The following RNFT2 variants were observed in gnomAD, a reference collection of about 807,000 sequenced individuals.
RNFT2 encodes the protein E3 ubiquitin-protein ligase RNFT2.
In RNFT2, 36 loss-of-function variants were observed where a neutral mutation model predicts 53.0. The ratio of observed to expected loss-of-function variants is 0.68; its 90% CI spans 0.52 to 0.90. The LOEUF is 0.90. RNFT2 is among the 40% of genes least tolerant of loss of function. RNFT2 has a pLI of 0.00. For synonymous variants in RNFT2, 260 were observed against 253.2 expected (o/e 1.03, Z -0.26); for missense variants, 514 against 585.6 (o/e 0.88, Z 1.26).
At chr12:116,743,100 AAAAAAAG>A (rs1278371595) in intron 3 of RNFT2, among the ~76,000 whole-genome samples, 8 of 149,282 alleles carry the variant, frequency 5.4e-5, no homozygotes, top group East Asian at 2.0e-4. Context: ...AAAAAAAAAA[AAAAAAAG>A]GTTAAATGAA....
At chr12:116,758,575 C>T (rs1386629717) in intron 5 of RNFT2, among the ~76,000 whole-genome samples, 3 of 152,106 alleles carry the variant, frequency 2.0e-5, no homozygotes, top group Admixed American at 6.6e-5. Context: ...ATTCTCTTAG[C>T]ATTTGTTTGT....
chr12:116,757,480 G>A (rs1424200459), intron 5 of RNFT2, among the ~76,000 whole-genome samples: 1 of 151,964 alleles, frequency 6.6e-6, no homozygotes, highest in Non-Finnish European at 1.5e-5. Flanking sequence ...TTTCCTATTA[G>A]CACCACCTTT....
At chr12:116,759,972 T>G (rs1364895173) in intron 5 of RNFT2, among the ~76,000 whole-genome samples, 1 of 152,044 alleles carries the variant, frequency 6.6e-6, no homozygotes, top group Non-Finnish European at 1.5e-5. Context: ...GGAAGGACCA[T>G]CGGGTTGGGG....
At chr12:116,785,082 T>C (rs551123587) in intron 7 of RNFT2, among the ~76,000 whole-genome samples, 1 of 152,086 alleles carries the variant, frequency 6.6e-6, no homozygotes, top group East Asian at 1.9e-4. Flanking sequence ...TGGTTCCCCC[T>C]CTGTTTCTTC....
chr12:116,758,647 G>A (rs1872588603), intron 5 of RNFT2, among the ~76,000 whole-genome samples: 1 of 152,094 alleles, frequency 6.6e-6, no homozygotes, highest in East Asian at 1.9e-4. Context: ...CAAAATTCTT[G>A]GCTAATCATT....
At chr12:116,803,248 G>T (rs1874889461) in intron 7 of RNFT2, among the ~76,000 whole-genome samples, 1 of 152,156 alleles carries the variant, frequency 6.6e-6, no homozygotes, top group African/African-American at 2.4e-5. Context: ...TCCTCTGGGT[G>T]CAACCGACAC....
intron 7 of RNFT2, among the ~76,000 whole-genome samples, chr12:116,811,735 C>T (rs1047691023): frequency 2.6e-5 from 4 of 152,218 alleles, no homozygotes; most frequent in African/African-American, 7.2e-5. Context: ...ACCCTCATGA[C>T]CCTCGTGGAA....
At chr12:116,836,999 T>C (rs1407724729) in intron 10 of RNFT2, among the ~76,000 whole-genome samples, 1 of 152,136 alleles carries the variant, frequency 6.6e-6, no homozygotes, top group Admixed American at 6.6e-5. Flanking sequence ...AAGTAGATCA[T>C]CCATGGAAAG....
chr12:116,853,168 A>T lies in RNFT2; in HGVS notation c.*3720A>T. The T allele has an allele frequency of 2.5e-6, 1 of 402,098 alleles. No homozygotes were observed. The highest frequency in any genetic ancestry group is 3.5e-5 in the East Asian group (1 of 28,222). The allele number at this position is 402,098 out of a possible 1,614,324, so 24.9% of individuals were successfully genotyped here. ...ACACAGGCTACATGAATTCCCCTATACCAGTGCGAAAGCAGCCAGGAGTCC... is the reference window on the plus strand; with the variant it reads ...ACACAGGCTACATGAATTCCCCTATTCCAGTGCGAAAGCAGCCAGGAGTCC... On this transcript the variant is annotated 3_prime_UTR_variant, in exon 11 of 11. Coordinates refer to ENST00000257575, the MANE Select transcript of RNFT2 (RefSeq NM_001382266.1).
At chr12:116,789,960 G>GTGGACGGATGGA (rs1874156266) in intron 7 of RNFT2, among the ~76,000 whole-genome samples, 1 of 146,172 alleles carries the variant, frequency 6.8e-6, no homozygotes, top group East Asian at 2.1e-4. Context: ...GGATGGGTGG[G>GTGGACGGATGGA]TGGATGGATG....
At chr12:116,806,181 G>C (rs1188922887) in intron 7 of RNFT2, among the ~76,000 whole-genome samples, 1 of 151,802 alleles carries the variant, frequency 6.6e-6, no homozygotes, top group Admixed American at 6.6e-5. Flanking sequence ...AGGAGTTCGA[G>C]ACCAGCCTGG....
chr12:116,777,681 GTCA>G (rs1490513725), intron 6 of RNFT2, among the ~76,000 whole-genome samples: 1 of 152,100 alleles, frequency 6.6e-6, no homozygotes, highest in Non-Finnish European at 1.5e-5. Context: ...TAATGTTAGT[GTCA>G]TCATCACTGC....
intron 6 of RNFT2, among the ~76,000 whole-genome samples, chr12:116,767,310 C>T (rs2137099644): frequency 6.6e-6 from 1 of 152,236 alleles, no homozygotes; most frequent in East Asian, 1.9e-4. Context: ...CTCGACCTCC[C>T]AGGGCTCAGG....
intron 10 of RNFT2, among the ~76,000 whole-genome samples, chr12:116,836,934 A>G (rs1045848804): frequency 1.3e-5 from 2 of 149,684 alleles, no homozygotes; most frequent in African/African-American, 4.9e-5. Context: ...CATCTCAAAG[A>G]AAAAAAAAAG....
chr12:116,766,811 CAGG>C lies in RNFT2; in HGVS notation c.628_630del (p.Glu210del). 6.3e-7 allele frequency: 1 copy of C among 1,584,974 alleles called. No individual in the cohort carries two copies. Among genetic ancestry groups the C allele is most frequent in the Non-Finnish European group, 8.6e-7 (1 of 1,164,238 alleles). On this transcript the variant is annotated splice_acceptor_variant and coding_sequence_variant, in exon 6 of 11. Transcript: ENST00000257575. LOFTEE classifies it high-confidence loss of function. ...TATCACATATCTCTTGCTTTGTCTT[CAGG>C]AGAAGAGGTCAGTGCTGGTCATCTT...
intron 4 of RNFT2, among the ~76,000 whole-genome samples, chr12:116,750,917 T>TTTA (rs1872222936): frequency 2.4e-5 from 3 of 124,252 alleles, no homozygotes; most frequent in Admixed American, 8.5e-5. Context: ...TATTTTTTTT[T>TTTA]GAGACAGGGT....
At position 116,849,874 on chromosome 12, in the gene RNFT2, C is replaced by T. The variant is rs192424109; in HGVS notation, c.*426C>T. ...TTTTTTTTTTTTTAAAACAAGGTCT[C>T]GCTCTATCACCCAGGCTGGAGTGCA... is the stretch of plus-strand genomic sequence containing the variant. On this transcript the variant is annotated 3_prime_UTR_variant, in exon 11 of 11. Transcript: ENST00000257575. 284 of 71,516 alleles carry T rather than the reference C, an allele frequency of 4.0e-3. 1 individual carries two copies. Among genetic ancestry groups the T allele is most frequent in the Non-Finnish European group, 5.6e-3 (252 of 44,772 alleles). 4.4% of individuals were successfully genotyped at this position (71,516 alleles called of 1,614,324 possible). A position where few individuals can be genotyped will look rare whatever the true frequency, so the allele number is the denominator to read the frequency against.
chr12:116,754,566 GT>G (rs1872410407), intron 5 of RNFT2, among the ~76,000 whole-genome samples: 1 of 152,170 alleles, frequency 6.6e-6, no homozygotes, highest in Admixed American at 6.5e-5. Context: ...CTCTCACACT[GT>G]TTTTCATAGC....
chr12:116,780,328 G>A (rs1022649040), intron 7 of RNFT2, among the ~76,000 whole-genome samples: 1 of 152,166 alleles, frequency 6.6e-6, no homozygotes, highest in African/African-American at 2.4e-5. Context: ...GAATGAAACT[G>A]TTCCACTTCA....
Sources: gnomAD v4.1 joint callset for allele counts (sites outside exome capture counted in the v4.1 genomes callset) on GRCh38, gnomAD v4.1.1 for gene constraint, MANE v1.5 for transcripts, NCBI Gene and HGNC (gene_info 2026-07-23, HGNC 2026-07-21) for gene names.